Variants in COL5A1 observed in about 807,000 individuals in gnomAD.
COL5A1 encodes the protein collagen alpha-1(V) chain.
A neutral mutation model predicts 263.7 loss-of-function variants in COL5A1; 16 were observed. That is an observed-to-expected ratio of 0.06 (90% confidence interval 0.04 to 0.09). The LOEUF is 0.09. COL5A1 is among the 10% of genes least tolerant of loss of function. COL5A1 has a pLI of 1.00. For synonymous variants in COL5A1, 1,012 were observed against 1,004.5 expected (o/e 1.01, Z -0.14); for missense variants, 2,036 against 2,540.5 (o/e 0.80, Z 4.27).
intron 64 of COL5A1, 175 bp downstream of exon 64, chr9:134,830,219 T>TGCGGCACGGCTGGCTCGCGGCTC: frequency 6.4e-7 from 1 of 1,574,120 alleles, no homozygotes; most frequent in African/African-American, 1.3e-5. Context: ...ACTGCCTGCT[T>TGCGGCACGGCTGGCTCGCGGCTC]GCGGCACGGC....
At chr9:134,777,270 C>T (rs994167170) in intron 27 of COL5A1, among the ~76,000 whole-genome samples, 1 of 152,278 alleles carries the variant, frequency 6.6e-6, no homozygotes, top group Non-Finnish European at 1.5e-5. Context: ...GCCTGTCCCT[C>T]TCTGGGCTGT....
At chr9:134,770,731 G>A (rs1836839672) in intron 25 of COL5A1, among the ~76,000 whole-genome samples, 1 of 152,146 alleles carries the variant, frequency 6.6e-6, no homozygotes, top group Admixed American at 6.5e-5. Flanking sequence ...AATAATGTAA[G>A]CTTTATTATT....
In COL5A1 at chr9:134,650,212, G is replaced by A. The variant is rs529576377; in HGVS notation, c.109+7916G>A. Among the ~76,000 whole-genome samples, 229 of 152,266 alleles carry A rather than the reference G, an allele frequency of 1.5e-3. 2 individuals carry two copies. Among genetic ancestry groups the A allele is most frequent in the Non-Finnish European group, 1.8e-3 (123 of 68,026 alleles). ...AAAAAATTTTTTTAAATGTGTGTAT[G>A]TAGCAGGAGTGACTTAAGTTGAAAA... On this transcript the variant is annotated intron_variant, in intron 1 of 65. Transcript: ENST00000371817.
At chr9:134,728,836 G>A in intron 6 of COL5A1, 29 bp downstream of exon 6, 1 of 1,613,682 alleles carries the variant, frequency 6.2e-7, no homozygotes, top group Non-Finnish European at 8.5e-7. Context: ...ACTGGGTTGG[G>A]CTGGGCCCCT....
At chr9:134,708,992 A>T (rs1833941215) in intron 4 of COL5A1, 1 of 455,284 alleles carries the variant, frequency 2.2e-6, no homozygotes, top group South Asian at 1.6e-5. Context: ...TCTCTGTGTG[A>T]CCCACAAGGA....
At chr9:134,749,732 A>G (rs937511932) in intron 11 of COL5A1, among the ~76,000 whole-genome samples, 1 of 152,116 alleles carries the variant, frequency 6.6e-6, no homozygotes, top group African/African-American at 2.4e-5. Context: ...CACTGGGGAG[A>G]GGGGGTTAAG....
In COL5A1 at chr9:134,794,137, C is replaced by G. The variant is rs1321979877; in HGVS notation, c.2701-945C>G. Among the ~76,000 whole-genome samples, 5 of 152,092 alleles carry G rather than the reference C, an allele frequency of 3.3e-5. No homozygotes were observed. Among genetic ancestry groups the G allele is most frequent in the African/African-American group, 1.2e-4 (5 of 41,408 alleles). On this transcript the variant is annotated intron_variant, in intron 32 of 65. Coordinates refer to ENST00000371817, the MANE Select transcript of COL5A1 (RefSeq NM_000093.5). The surrounding 1 kb of genome is among the most constrained non-coding windows in gnomAD (Gnocchi z 4.3). ...GGTCAAGAGATCGAGACCATCCTTGCCAACATGGTGAAACCCTGTCTCTAC... is the reference window on the plus strand; with the variant it reads ...GGTCAAGAGATCGAGACCATCCTTGGCAACATGGTGAAACCCTGTCTCTAC...
At position 134,831,602 on chromosome 9, in the gene COL5A1, G is replaced by A. The variant is rs1246515200; in HGVS notation, c.5136+1558G>A. On this transcript the variant is annotated intron_variant, in intron 64 of 65. Coordinates refer to ENST00000371817, the MANE Select transcript of COL5A1 (RefSeq NM_000093.5). ...GGCCCTGGGGGTGAAGCTGCTGGGG[G>A]CCGAGGTGGCAGGGTCCATTCTGCA... 3.3e-5 allele frequency among the ~76,000 whole-genome samples: 5 copies of A among 152,170 alleles called. No individual in the cohort carries two copies. In the South Asian group the frequency reaches 6.2e-4, roughly 19 times the overall value.
intron 4 of COL5A1, among the ~76,000 whole-genome samples, chr9:134,717,693 C>T (rs1052466209): frequency 3.9e-5 from 6 of 152,208 alleles, no homozygotes; most frequent in Non-Finnish European, 8.8e-5. Flanking sequence ...TGCTTGCCGA[C>T]CGCTTCTCCC....
rs13297349 is a variant in COL5A1 at position 134,810,076 on chromosome 9, A to C, written c.3475-179A>C. ...ATCAGATCGAGACCTCGTCCCTTTT[A>C]GCCCTTGTATTAAAAAGGAAATCAA... On this transcript the variant is annotated intron_variant, in intron 43 of 65. Coordinates refer to ENST00000371817, the MANE Select transcript of COL5A1 (RefSeq NM_000093.5). Among the ~76,000 whole-genome samples the C allele has an allele frequency of 0.038, 5,853 of 152,368 alleles. 143 individuals are homozygous for C. Among genetic ancestry groups the C allele is most frequent in the Non-Finnish European group, 0.057 (3,905 of 68,038 alleles).
chr9:134,800,659 C>T (rs1348652672), intron 37 of COL5A1, among the ~76,000 whole-genome samples: 1 of 146,978 alleles, frequency 6.8e-6, no homozygotes, highest in African/African-American at 2.5e-5. Context: ...GCAGGAGAAT[C>T]GCTTGAATCC....
intron 65 of COL5A1, among the ~76,000 whole-genome samples, chr9:134,838,252 CTA>C (rs1043887695): frequency 9.9e-5 from 15 of 152,174 alleles, no homozygotes; most frequent in Non-Finnish European, 1.5e-4. Context: ...TAGGAGCCCC[CTA>C]CCGAGTGACG....
At chr9:134,809,058 TG>T in intron 42 of COL5A1, 124 bp from the exon 43 acceptor site, 1 of 849,204 alleles carries the variant, frequency 1.2e-6, no homozygotes, top group Non-Finnish European at 2.0e-6. Context: ...ATTAGGACTG[TG>T]GGGACGGTCA....
rs534098868 is a variant in COL5A1 at position 134,681,849 on chromosome 9, G to GA, written c.110-9060dup. On this transcript the variant is annotated intron_variant, in intron 1 of 65. Coordinates refer to ENST00000371817, the MANE Select transcript of COL5A1 (RefSeq NM_000093.5). The surrounding 1 kb of genome is among the most constrained non-coding windows in gnomAD (Gnocchi z 4.3). ...AAGGATATTGACTTTGGGGCCTGCA[G>GA]AAACCTCCCCTCTCTTCCTCGCTCT... is the stretch of plus-strand genomic sequence containing the variant. Among the ~76,000 whole-genome samples the GA allele has an allele frequency of 9.5e-4, 144 of 152,040 alleles. No homozygotes were observed. Among genetic ancestry groups the GA allele is most frequent in the African/African-American group, 3.1e-3 (129 of 41,474 alleles).
intron 18 of COL5A1, among the ~76,000 whole-genome samples, chr9:134,761,654 C>T (rs937115718): frequency 1.3e-5 from 2 of 152,232 alleles, no homozygotes; most frequent in African/African-American, 2.4e-5. Flanking sequence ...AGGCTGCCCA[C>T]ATGTGTGGCC....
At chr9:134,715,745 C>A (rs1834237933) in intron 4 of COL5A1, among the ~76,000 whole-genome samples, 1 of 152,252 alleles carries the variant, frequency 6.6e-6, no homozygotes, top group Admixed American at 6.5e-5. Context: ...GCACATGTCT[C>A]TGCGACCACA....
In COL5A1 at chr9:134,817,836, C is replaced by T. The variant is rs142248898; in HGVS notation, c.4230+5C>T. 2.9e-3 allele frequency: 4,589 copies of T among 1,603,060 alleles called. 7 individuals carry two copies. Among genetic ancestry groups the T allele is most frequent in the Non-Finnish European group, 3.5e-3 (4,105 of 1,174,732 alleles). On this transcript the variant is annotated splice_donor_5th_base_variant and intron_variant, in intron 54 of 65. Coordinates refer to ENST00000371817, the MANE Select transcript of COL5A1 (RefSeq NM_000093.5). Reference sequence around the variant, plus strand: ...CAGGGAGAGAAAGGGGCCAAGGTAACGTGTTTTGGAGCCAGGCTGTGACCG... The same window carrying T: ...CAGGGAGAGAAAGGGGCCAAGGTAATGTGTTTTGGAGCCAGGCTGTGACCG...
At chr9:134,824,333 G>C (rs1839161501) in intron 61 of COL5A1, among the ~76,000 whole-genome samples, 1 of 152,222 alleles carries the variant, frequency 6.6e-6, no homozygotes, top group African/African-American at 2.4e-5. Context: ...CAAGCCCAAG[G>C]CTGCAAACTG....
rs1837605156 is a variant in COL5A1 at position 134,789,791 on chromosome 9, C to T, written c.2700+583C>T. 6.6e-6 allele frequency among the ~76,000 whole-genome samples: 1 copy of T among 152,172 alleles called. No individual in the cohort carries two copies. Among genetic ancestry groups the T allele is most frequent in the East Asian group, 1.9e-4 (1 of 5,184 alleles). ...TGTTCTCCCTGCACCTTCTGGAGCC[C>T]CCGCTGGCCCAGGCCTCCCTGCAGG... On this transcript the variant is annotated intron_variant, in intron 32 of 65. Coordinates refer to ENST00000371817, the MANE Select transcript of COL5A1 (RefSeq NM_000093.5). The surrounding 1 kb of genome is among the most constrained non-coding windows in gnomAD (Gnocchi z 4.8).
Sources: allele counts gnomAD v4.1 joint callset (sites outside exome capture counted in the v4.1 genomes callset), GRCh38; gene constraint gnomAD v4.1.1; non-coding constraint Gnocchi (gnomAD v3.1); transcripts MANE v1.5; gene names NCBI Gene and HGNC (gene_info 2026-07-23, HGNC 2026-07-21).